Variants in NINL observed in about 807,000 individuals in gnomAD.
NINL encodes the protein ninein like.
Under a neutral mutation model 160.3 loss-of-function variants are expected in NINL, and 153 were observed. The ratio of observed to expected loss-of-function variants is 0.95; its 90% CI spans 0.84 to 1.09. NINL has a LOEUF of 1.09. Among genes scored for constraint, NINL ranks in the 50% least tolerant of loss-of-function variants. The pLI is 0.00. For synonymous variants in NINL, 800 were observed against 734.8 expected (o/e 1.09, Z -1.43); for missense variants, 1,829 against 1,764.0 (o/e 1.04, Z -0.66).
intron 1 of NINL, among the ~76,000 whole-genome samples, chr20:25,548,099 C>G (rs898516681): frequency 6.6e-6 from 1 of 152,232 alleles, no homozygotes; most frequent in Non-Finnish European, 1.5e-5. Context: ...GGTTCCTGCC[C>G]TGTCCCTCCT....
chr20:25,581,218 T>G (rs2147209760), intron 1 of NINL, among the ~76,000 whole-genome samples: 1 of 152,224 alleles, frequency 6.6e-6, no homozygotes, highest in South Asian at 2.1e-4. Context: ...CCAAGGCAGG[T>G]GGATCATTTG....
chr20:25,520,360 A>G (rs1301435138), intron 2 of NINL, among the ~76,000 whole-genome samples: 1 of 152,236 alleles, frequency 6.6e-6, no homozygotes, highest in East Asian at 1.9e-4. Context: ...TGCTTCCAAA[A>G]TCTGACCAAG....
chr20:25,560,991 C>T (rs1292427268), intron 1 of NINL, among the ~76,000 whole-genome samples: 1 of 151,332 alleles, frequency 6.6e-6, no homozygotes, highest in Non-Finnish European at 1.5e-5. Flanking sequence ...TCTCTCCCTC[C>T]TCTCCCTCTC....
intron 7 of NINL, among the ~76,000 whole-genome samples, chr20:25,502,104 C>CCCT (rs1008034166): frequency 2.6e-5 from 4 of 152,206 alleles, no homozygotes; most frequent in African/African-American, 9.6e-5. Flanking sequence ...GCCTCAGCCT[C>CCCT]CTGAGTAGCT....
chr20:25,561,761 C>G (rs1351112810), intron 1 of NINL, among the ~76,000 whole-genome samples: 1 of 150,938 alleles, frequency 6.6e-6, no homozygotes. Flanking sequence ...TCTGCCCAGC[C>G]GCCCCGTCTG....
chr20:25,476,598 G>A lies in NINL; in HGVS notation c.2693C>T (p.Ala898Val), dbSNP rs1442798156. Residue 898 changes from alanine (A) to valine (V), a missense_variant, in exon 17 of 24, where the codon GCA (alanine) becomes GTA (valine). Coordinates refer to ENST00000278886, the MANE Select transcript of NINL (RefSeq NM_025176.6). ...CCACCTCTCTGAGGGGCCGTGGGATGCCGGGGCAGGGGCGGGGGCCGGGCT... is the reference window on the plus strand; with the variant it reads ...CCACCTCTCTGAGGGGCCGTGGGATACCGGGGCAGGGGCGGGGGCCGGGCT... ...TQSPAPAPAP[A>V]SHGPSERWSR... 5 of 1,598,344 alleles carry A rather than the reference G, an allele frequency of 3.1e-6. No individual in the cohort carries two copies. In the South Asian group the frequency reaches 5.5e-5, roughly 18 times the overall value.
rs750687163 is a variant in NINL, at chr20:25,496,721, C to G, written c.1252G>C (p.Val418Leu). The G allele has an allele frequency of 9.9e-6, 16 of 1,614,008 alleles. No individual in the cohort carries two copies. The highest frequency in any genetic ancestry group is 3.3e-5 in the Admixed American group (2 of 59,998). Residue 418 changes from valine to leucine, a missense_variant, in exon 10 of 24, where the codon GTG becomes CTG. Val to Leu is a conservative substitution (Grantham distance 32). Transcript: ENST00000278886. ...ERAEKRNLEFVKEMDDCHSTL... is the reference protein window; with the variant it reads ...ERAEKRNLEFLKEMDDCHSTL... Reference sequence around the variant, plus strand: ...GAGTGGCAGTCGTCCATCTCTTTCACAAACTCCAGGTTCCTCTTCTCGGCC... The same window carrying G: ...GAGTGGCAGTCGTCCATCTCTTTCAGAAACTCCAGGTTCCTCTTCTCGGCC...
chr20:25,537,171 C>T (rs1392967263), intron 1 of NINL, among the ~76,000 whole-genome samples: 1 of 152,096 alleles, frequency 6.6e-6, no homozygotes. Context: ...GCATCCTCAA[C>T]CTCCTGGGCT....
chr20:25,529,380 A>G (rs961581167), intron 1 of NINL, among the ~76,000 whole-genome samples: 2 of 152,094 alleles, frequency 1.3e-5, no homozygotes, highest in East Asian at 3.9e-4. Context: ...TGTTAAAAAC[A>G]GCCAGTATCT....
Position 25,453,286 on chromosome 20 carries a change from T to A in NINL, c.*165A>T. The A allele has an allele frequency of 1.9e-6, 1 of 516,728 alleles. No homozygotes were observed. The highest frequency in any genetic ancestry group is 3.2e-6 in the Non-Finnish European group (1 of 315,290). The allele number at this position is 516,728 out of a possible 1,614,324, so 32.0% of individuals were successfully genotyped here. On this transcript the variant is annotated 3_prime_UTR_variant, in exon 24 of 24. Coordinates refer to ENST00000278886, the MANE Select transcript of NINL (RefSeq NM_025176.6). ...CATATTCCCCCAGCCCCCACCTCCA[T>A]CTTGCCCAGGGCAGACCATTCATTA...
intron 7 of NINL, among the ~76,000 whole-genome samples, chr20:25,502,361 C>T (rs901777164): frequency 4.7e-4 from 71 of 152,232 alleles, no homozygotes; most frequent in African/African-American, 1.7e-3. Flanking sequence ...GGTCCTACAA[C>T]ACCACTCACC....
chr20:25,491,525 C>T lies in NINL; in HGVS notation c.1311G>A (p.Lys437=), dbSNP rs773076564. The T allele has an allele frequency of 1.2e-6, 2 of 1,612,852 alleles. No individual in the cohort carries two copies. Among genetic ancestry groups the T allele is most frequent in the East Asian group, 2.2e-5 (1 of 44,864 alleles). Residue 437 remains lysine (K), a splice_region_variant and synonymous_variant, in exon 11 of 24, where the codon AAG becomes AAA. Transcript: ENST00000278886. ...TTTCCCGGTACCCCTGCTCCAGATG[C>T]CTGTAACATGTCACACATCACACGT... The part of the protein sequence containing the change: ...TLEQLTEKKI[K]HLEQGYRERL...
chr20:25,549,980 TCAA>T (rs2064786838), intron 1 of NINL, among the ~76,000 whole-genome samples: 1 of 152,278 alleles, frequency 6.6e-6, no homozygotes, highest in Admixed American at 6.5e-5. Context: ...AGAAGTAAAT[TCAA>T]CACTGAGAGG....
chr20:25,539,004 T>C (rs925801221), intron 1 of NINL, among the ~76,000 whole-genome samples: 2 of 152,118 alleles, frequency 1.3e-5, no homozygotes, highest in African/African-American at 4.8e-5. Context: ...TCAAATGACA[T>C]GAGTGCTGCC....
At chr20:25,470,290 A>T (rs2063064612) in intron 17 of NINL, among the ~76,000 whole-genome samples, 195 bp from the exon 18 acceptor site, 1 of 152,208 alleles carries the variant, frequency 6.6e-6, no homozygotes, top group South Asian at 2.1e-4. Flanking sequence ...GCCAAGCCAC[A>T]GAAAACGGAA....
Position 25,500,942 on chromosome 20 carries a change from G to A in NINL, c.930C>T (p.Arg310=), listed in dbSNP as rs1160686564. The A allele has an allele frequency of 5.6e-6, 9 of 1,614,242 alleles. No individual in the cohort carries two copies. Among genetic ancestry groups the A allele is most frequent in the Admixed American group, 1.7e-5 (1 of 60,028 alleles). ...SSLVSLCSSL[R]LFSSIDDGSG... ...AACCATCGTCAATGCTGGAGAAGAG[G>A]CGCAGGCTGGAGCACAGGGACACGA... The change falls in exon 8 of 24, where the codon CGC becomes CGT. Residue 310 remains arginine, a synonymous_variant. Transcript: ENST00000278886.
intron 21 of NINL, among the ~76,000 whole-genome samples, chr20:25,459,420 G>C (rs1378216983): frequency 6.6e-6 from 1 of 152,176 alleles, no homozygotes; most frequent in Non-Finnish European, 1.5e-5. Context: ...ACCCCAGAGA[G>C]ACACACCTGC....
At chr20:25,466,603 C>T (rs537197025) in intron 19 of NINL, among the ~76,000 whole-genome samples, 3 of 151,806 alleles carry the variant, frequency 2.0e-5, no homozygotes, top group South Asian at 2.1e-4. Flanking sequence ...AGTTCGAGAC[C>T]GGCCTGGCCA....
intron 14 of NINL, among the ~76,000 whole-genome samples, chr20:25,481,234 G>C (rs2063382128): frequency 6.6e-6 from 1 of 152,174 alleles, no homozygotes; most frequent in Non-Finnish European, 1.5e-5. Context: ...GGAGCGAGGG[G>C]AGCAGGTGGG....
Sources: allele counts gnomAD v4.1 joint callset (sites outside exome capture counted in the v4.1 genomes callset), GRCh38; gene constraint gnomAD v4.1.1; transcripts MANE v1.5; gene names NCBI Gene and HGNC (gene_info 2026-07-23, HGNC 2026-07-21).